Variants in FN1 observed in about 807,000 individuals in gnomAD.
FN1 encodes the protein fibronectin.
A neutral mutation model predicts 297.3 loss-of-function variants in FN1; 106 were observed. The observed-to-expected ratio is 0.36, with a 90% CI of 0.30 to 0.42. The LOEUF is 0.42. FN1 is among the 10% of genes least tolerant of loss of function. The pLI is 1.00. For missense variants in FN1, 2,690 were observed against 3,124.9 expected (o/e 0.86, Z 3.32); for synonymous variants, 1,149 against 1,152.6 (o/e 1.00, Z 0.06).
At chr2:215,379,916 G>A (rs1395855902) in intron 33 of FN1, 1 of 153,834 alleles carries the variant, frequency 6.5e-6, no homozygotes, top group East Asian at 1.9e-4. Context: ...GGCTGATCAT[G>A]AACTCCTGGC....
Position 215,407,225 on chromosome 2 carries a change from G to T in FN1, c.2615C>A (p.Pro872His). ...GATAGTGATGTTATACTGAACACCAGGTTGCAAGTCACTGAGGGTGACGGA... is the reference window on the plus strand; with the variant it reads ...GATAGTGATGTTATACTGAACACCATGTTGCAAGTCACTGAGGGTGACGGA... ...ANSVTLSDLQ[P>H]GVQYNITIYA... is the part of the protein sequence containing the mutation. Residue 872 changes from proline (P) to histidine (H), a missense_variant, in exon 18 of 46, where the codon CCT becomes CAT. Physicochemically the swap from Pro to His is moderately conservative, Grantham distance 77. This residue lies in a region of FN1 where 71 missense variants were observed against 121.7 expected (regional missense o/e 0.58). Coordinates refer to ENST00000354785, the MANE Select transcript of FN1 (RefSeq NM_212482.4). 6.2e-7 allele frequency: 1 copy of T among 1,613,926 alleles called. No individual in the cohort carries two copies. The highest frequency in any genetic ancestry group is 8.5e-7 in the Non-Finnish European group (1 of 1,179,778).
intron 5 of FN1, among the ~76,000 whole-genome samples, chr2:215,430,451 A>G (rs1166725331): frequency 6.6e-6 from 1 of 152,206 alleles, no homozygotes; most frequent in Non-Finnish European, 1.5e-5. Flanking sequence ...CAAACATAGA[A>G]GGAAACCTAA....
chr2:215,431,689 AATTC>A, intron 4 of FN1, 140 bp downstream of exon 4: 1 of 859,434 alleles, frequency 1.2e-6, no homozygotes, highest in Non-Finnish European at 2.0e-6. Flanking sequence ...ATTATATAAT[AATTC>A]ATTATTTCAA....
rs919006407 is a variant in FN1 at position 215,380,631 on chromosome 2, G to C, written c.5434+180C>G. ...TCCAAAATTTCTTTTAATCAGACTT[G>C]TTTCCTTAAATATCACCTAAGTTTT... is the stretch of plus-strand genomic sequence containing the variant. On this transcript the variant is annotated intron_variant, in intron 33 of 45. Coordinates refer to ENST00000354785, the MANE Select transcript of FN1 (RefSeq NM_212482.4). The C allele has an allele frequency of 3.5e-6, 3 of 848,346 alleles. No homozygotes were observed. In the African/African-American group the frequency reaches 5.1e-5, roughly 14 times the overall value. The allele number at this position is 848,346 out of a possible 1,614,324, so 52.6% of individuals were successfully genotyped here. A position where few individuals can be genotyped will look rare whatever the true frequency, so the allele number is the denominator to read the frequency against.
Position 215,393,088 on chromosome 2 carries a change from C to T in FN1, c.3912G>A (p.Ala1304=), listed in dbSNP as rs542015245. 2.9e-5 allele frequency: 46 copies of T among 1,614,020 alleles called. 1 individual carries two copies. The South Asian group carries it at 3.2e-4, about 11-fold the overall frequency. The part of the protein sequence containing the change: ...TIIGYRITVV[A]AGEGIPIFED... ...CAAAAATAGGGATACCTTCTCCTGCCGCAACTACTGTGATGCGGTACCCAA... is the reference window on the plus strand; with the variant it reads ...CAAAAATAGGGATACCTTCTCCTGCTGCAACTACTGTGATGCGGTACCCAA... The change falls in exon 25 of 46, where the codon GCG becomes GCA. Residue 1304 remains alanine, a synonymous_variant. Coordinates refer to ENST00000354785, the MANE Select transcript of FN1 (RefSeq NM_212482.4).
intron 22 of FN1, 90 bp from the exon 23 acceptor site, chr2:215,397,313 A>G (rs2060415073): frequency 1.1e-6 from 1 of 919,614 alleles, no homozygotes; most frequent in Non-Finnish European, 1.8e-6. Context: ...CCTCTCTTCC[A>G]TGCTTCTTCC....
chr2:215,394,713 G>T lies in FN1; in HGVS notation c.3611C>A (p.Thr1204Asn). Residue 1204 changes from threonine (T) to asparagine (N), a missense_variant, in exon 24 of 46, where the codon ACT (threonine) becomes AAT (asparagine). This residue lies in a region of FN1 where 1,743 missense variants were observed against 1,945.2 expected (regional missense o/e 0.90). Transcript: ENST00000354785. ...AGGGGTTGTGGTAATTCTATAACCAGTAATGTCTGGAGAAAAAAGAAAAGG... is the reference window on the plus strand; with the variant it reads ...AGGGGTTGTGGTAATTCTATAACCATTAATGTCTGGAGAAAAAAGAAAAGG... Reference protein sequence around the residue: ...SWERSTTPDITGYRITTTPTN... With the variant: ...SWERSTTPDINGYRITTTPTN... 6.2e-7 allele frequency: 1 copy of T among 1,612,990 alleles called. No homozygotes were observed. The highest frequency in any genetic ancestry group is 8.5e-7 in the Non-Finnish European group (1 of 1,179,040).
chr2:215,392,897 C>CT, intron 25 of FN1, 34 bp downstream of exon 25: 1 of 1,611,540 alleles, frequency 6.2e-7, no homozygotes, highest in Non-Finnish European at 8.5e-7. Flanking sequence ...GCAACACCAT[C>CT]TATGTCTCAA....
At chr2:215,394,843 C>T in intron 23 of FN1, 124 bp from the exon 24 acceptor site, 1 of 729,828 alleles carries the variant, frequency 1.4e-6, no homozygotes, top group Non-Finnish European at 2.4e-6. Flanking sequence ...GAGGACTCCA[C>T]TGTCACTGTT....
rs552316468 is a variant in FN1 at position 215,433,193 on chromosome 2, A to G, written c.415+131T>C. ...GGAACCAGTTGGGTGACCACTTAAG[A>G]GTACCTGGTCACCAGGGGCAAACCT... On this transcript the variant is annotated intron_variant, in intron 3 of 45. Coordinates refer to ENST00000354785, the MANE Select transcript of FN1 (RefSeq NM_212482.4). 11 of 1,071,342 alleles carry G rather than the reference A, an allele frequency of 1.0e-5. No individual in the cohort carries two copies. In the African/African-American group the frequency reaches 1.4e-4, roughly 14 times the overall value. 66.4% of individuals were successfully genotyped at this position (1,071,342 alleles called of 1,614,324 possible).
rs766349053 is a variant in FN1 at position 215,434,821 on chromosome 2, C to T, written c.152G>A (p.Gly51Asp). 1 of 1,605,768 alleles carries T rather than the reference C, an allele frequency of 6.2e-7. No homozygotes were observed. Among genetic ancestry groups the T allele is most frequent in the South Asian group, 1.1e-5 (1 of 90,906 alleles). Residue 51 changes from glycine (G) to aspartate (D), a missense_variant, in exon 2 of 46, where the codon GGT becomes GAT. Gly to Asp is a moderately conservative substitution (Grantham distance 94). Transcript: ENST00000354785. ...ATAGTGTTTTCCATTGTCATAACAA[C>T]CGGCTGCAAATAATTGAAGGAAAAC... ...SPVAVSQSKP[G>D]CYDNGKHYQI...
chr2:215,380,412 T>G (rs1559382028), intron 33 of FN1: 2 of 238,208 alleles, frequency 8.4e-6, no homozygotes, highest in East Asian at 2.1e-4. Flanking sequence ...CTTACCCACG[T>G]GTGCTCAGAA....
At position 215,423,536 on chromosome 2, in the gene FN1, A is replaced by G; in HGVS notation, c.1217-10T>C. 1 of 1,613,350 alleles carries G rather than the reference A, an allele frequency of 6.2e-7. No individual in the cohort carries two copies. Among genetic ancestry groups the G allele is most frequent in the Non-Finnish European group, 8.5e-7 (1 of 1,179,446 alleles). On this transcript the variant is annotated splice_polypyrimidine_tract_variant and intron_variant, in intron 8 of 45. Transcript: ENST00000354785. ...CGAGTCTGAACCAAAACTGCCAGGA[A>G]CAATACACAACAAAGAAGGAAAAGA...
At chr2:215,381,879 A>C (rs1177729987) in intron 32 of FN1, 1 of 362,396 alleles carries the variant, frequency 2.8e-6, no homozygotes, top group Non-Finnish European at 5.3e-6. Flanking sequence ...GGCACACTTC[A>C]ATCAACTTTA....
At chr2:215,414,793 G>A in intron 13 of FN1, 44 bp downstream of exon 13, 3 of 1,613,126 alleles carry the variant, frequency 1.9e-6, no homozygotes, top group Non-Finnish European at 2.5e-6. Flanking sequence ...GAATTGATAA[G>A]ATTAGGAGAC....
chr2:215,407,399 T>G (rs1413646285), intron 17 of FN1, 78 bp from the exon 18 acceptor site: 1 of 1,189,056 alleles, frequency 8.4e-7, no homozygotes, highest in African/African-American at 1.5e-5. Context: ...ATCCTCCCTT[T>G]TCTAATATCC....
At chr2:215,405,427 T>A (rs1184420657) in intron 19 of FN1, among the ~76,000 whole-genome samples, 1 of 152,234 alleles carries the variant, frequency 6.6e-6, no homozygotes, top group African/African-American at 2.4e-5. Flanking sequence ...CTCAGTTTCT[T>A]TAAGTATTCA....
At position 215,432,099 on chromosome 2, in the gene FN1, G is replaced by C. The variant is rs2066624581; in HGVS notation, c.416-135C>G. 2.3e-5 allele frequency: 23 copies of C among 998,712 alleles called. 1 individual carries two copies. In the South Asian group the frequency reaches 3.1e-4, roughly 14 times the overall value. The allele number at this position is 998,712 out of a possible 1,614,324, so 61.9% of individuals were successfully genotyped here. Reference sequence around the variant, plus strand: ...CAACAGCTTTCCCATCAGAGACAGGGGAAACGTTAACAGGTCTGGTCACTT... The same window carrying C: ...CAACAGCTTTCCCATCAGAGACAGGCGAAACGTTAACAGGTCTGGTCACTT... On this transcript the variant is annotated intron_variant, in intron 3 of 45. Transcript: ENST00000354785.
chr2:215,385,714 A>T (rs2058866211), intron 28 of FN1, among the ~76,000 whole-genome samples: 1 of 152,036 alleles, frequency 6.6e-6, no homozygotes, highest in Admixed American at 6.6e-5. Context: ...TGCTAAGAAC[A>T]ATGACACTAT....
Sources: allele counts gnomAD v4.1 joint callset (sites outside exome capture counted in the v4.1 genomes callset), GRCh38; gene constraint gnomAD v4.1.1; regional missense constraint gnomAD v4.1.1; transcripts MANE v1.5; gene names NCBI Gene and HGNC (gene_info 2026-07-23, HGNC 2026-07-21).